Variants in TG observed in about 807,000 individuals in gnomAD.
The protein encoded by TG is thyroid hormones.
TG carries 270 observed loss-of-function variants against 324.7 expected under a neutral mutation model. The ratio of observed to expected loss-of-function variants is 0.83; its 90% CI spans 0.75 to 0.92. TG has a LOEUF of 0.92. Ranked by LOEUF, TG falls within the 40% of genes least tolerant of loss-of-function variation. The probability of loss-of-function intolerance (pLI) is 0.00; values close to 1 mark genes in which losing one functional copy is unlikely to be tolerated. For synonymous variants in TG, 1,401 were observed against 1,327.0 expected (o/e 1.06, Z -1.21); for missense variants, 3,591 against 3,456.4 (o/e 1.04, Z -0.98).
At chr8:132,907,015 G>A in intron 17 of TG, 115 bp downstream of exon 17, 1 of 1,120,790 alleles carries the variant, frequency 8.9e-7, no homozygotes, top group Non-Finnish European at 1.3e-6. Flanking sequence ...GCACGCTGGT[G>A]GTATGCCAGA....
At chr8:133,114,541 T>C (rs1340975937) in intron 44 of TG, among the ~76,000 whole-genome samples, 2 of 152,212 alleles carry the variant, frequency 1.3e-5, no homozygotes, top group Admixed American at 6.5e-5. Flanking sequence ...CTCCAGTCCT[T>C]TCTTCCTTCT....
At chr8:133,098,238 C>T (rs116490082) in intron 43 of TG, among the ~76,000 whole-genome samples, 206 of 152,244 alleles carry the variant, frequency 1.4e-3, no homozygotes, top group African/African-American at 4.8e-3. Context: ...GATCAAGCCC[C>T]TCATCAGTTA....
chr8:133,118,443 G>C (rs974718816), intron 45 of TG, among the ~76,000 whole-genome samples: 1 of 149,248 alleles, frequency 6.7e-6, no homozygotes, highest in African/African-American at 2.5e-5. Flanking sequence ...TCCCGCCTCA[G>C]CCTCCCCAGT....
At chr8:132,908,888 T>C (rs577941029) in intron 18 of TG, among the ~76,000 whole-genome samples, 1 of 152,202 alleles carries the variant, frequency 6.6e-6, no homozygotes, top group South Asian at 2.1e-4. Context: ...GCTGAGGGCC[T>C]GTGAGTTCTG....
At chr8:132,908,101 G>A in intron 17 of TG, 85 bp from the exon 18 acceptor site, 2 of 1,512,426 alleles carry the variant, frequency 1.3e-6, no homozygotes, top group Non-Finnish European at 9.1e-7. Flanking sequence ...AATGAGGAAG[G>A]GTTATTTTTG....
intron 43 of TG, among the ~76,000 whole-genome samples, chr8:133,112,231 C>T (rs892457158): frequency 2.6e-5 from 4 of 152,266 alleles, no homozygotes; most frequent in Non-Finnish European, 5.9e-5. Context: ...GAATTCTAAT[C>T]ACAGGTCCTG....
At chr8:132,934,357 T>C (rs1360212505) in intron 24 of TG, among the ~76,000 whole-genome samples, 1 of 151,990 alleles carries the variant, frequency 6.6e-6, no homozygotes, top group East Asian at 1.9e-4. Context: ...AAAAAACCTA[T>C]AATTGTGGCT....
intron 45 of TG, among the ~76,000 whole-genome samples, chr8:133,130,047 A>C (rs1240070946): frequency 6.6e-6 from 1 of 152,174 alleles, no homozygotes; most frequent in African/African-American, 2.4e-5. Context: ...GGTCAGAGAG[A>C]TTAAAAATAT....
chr8:133,122,925 C>T (rs367576093), intron 45 of TG, among the ~76,000 whole-genome samples: 42 of 152,196 alleles, frequency 2.8e-4, no homozygotes, highest in African/African-American at 8.9e-4. Context: ...GGATTTCCAG[C>T]GCGGCCTGTA....
intron 29 of TG, chr8:132,964,771 G>C (rs1359628684): frequency 1.6e-6 from 1 of 631,736 alleles, no homozygotes; most frequent in African/African-American, 1.8e-5. Context: ...TCACAGGCTA[G>C]TGAGAATTCC....
intron 20 of TG, among the ~76,000 whole-genome samples, chr8:132,916,907 AT>A (rs72409827): frequency 0.41 from 62,103 of 150,170 alleles, 15,514 homozygotes; most frequent in Admixed American, 0.54. Context: ...TTCCCTATGG[AT>A]TTTTTTTTTG....
chr8:133,070,096 G>A (rs764514155), intron 41 of TG, among the ~76,000 whole-genome samples: 71 of 151,986 alleles, frequency 4.7e-4, no homozygotes, highest in Admixed American at 7.9e-4. Flanking sequence ...AGGAGACCGC[G>A]GATTTGTGGT....
At chr8:133,096,000 A>G (rs1478560469) in intron 42 of TG, among the ~76,000 whole-genome samples, 1 of 152,200 alleles carries the variant, frequency 6.6e-6, no homozygotes, top group Admixed American at 6.5e-5. Context: ...CCTGGAGACC[A>G]TCATTGCTGA....
chr8:133,074,472 T>G (rs973103887), intron 41 of TG, among the ~76,000 whole-genome samples: 2 of 152,202 alleles, frequency 1.3e-5, no homozygotes, highest in African/African-American at 2.4e-5. Context: ...ATTGTCACTT[T>G]ACAGATGAGA....
chr8:133,032,035 G>A (rs1473021586), intron 41 of TG, among the ~76,000 whole-genome samples: 1 of 152,202 alleles, frequency 6.6e-6, no homozygotes, highest in African/African-American at 2.4e-5. Context: ...CAGCTGAGCA[G>A]GGGCTGGGTG....
At chr8:133,029,294 G>C (rs1836398330) in intron 40 of TG, among the ~76,000 whole-genome samples, 1 of 152,106 alleles carries the variant, frequency 6.6e-6, no homozygotes, top group East Asian at 1.9e-4. Context: ...AAAGGAAAGA[G>C]ATCAATTCAG....
At chr8:132,999,447 C>T (rs11782322) in intron 35 of TG, among the ~76,000 whole-genome samples, 48,977 of 152,128 alleles carry the variant, frequency 0.32, 8,093 homozygotes, top group Non-Finnish European at 0.35. Flanking sequence ...ATCCCTTATA[C>T]TCCTCCTTAT....
At chr8:133,106,527 C>G (rs1350309058) in intron 43 of TG, 1 of 918,702 alleles carries the variant, frequency 1.1e-6, no homozygotes, top group African/African-American at 1.8e-5. Context: ...TCTGGCTTCT[C>G]CCCTGCTCCT....
chr8:132,937,634 T>A (rs114507040), intron 25 of TG, among the ~76,000 whole-genome samples: 3,734 of 152,300 alleles, frequency 0.025, 151 homozygotes, highest in African/African-American at 0.085. Context: ...TAACAAAACA[T>A]AGGGATTATT....
Sources: gnomAD v4.1 joint callset for allele counts (sites outside exome capture counted in the v4.1 genomes callset) on GRCh38, gnomAD v4.1.1 for gene constraint, MANE v1.5 for transcripts, NCBI Gene and HGNC (gene_info 2026-07-23, HGNC 2026-07-21) for gene names.